The following PDE1A variants were observed in gnomAD, a reference collection of about 807,000 sequenced individuals.
PDE1A encodes dual specificity calcium/calmodulin-dependent 3',5'-cyclic nucleotide phosphodiesterase 1A.
PDE1A carries 35 observed loss-of-function variants against 61.7 expected under a neutral mutation model. That is an observed-to-expected ratio of 0.57 (90% CI 0.43 to 0.75). The LOEUF (loss-of-function observed/expected upper bound fraction) is 0.75, where lower values mean the gene tolerates loss of function less well. Among genes scored for constraint, PDE1A ranks in the 30% least tolerant of loss-of-function variants. The probability of loss-of-function intolerance (pLI) is 0.00; values close to 1 mark genes in which losing one functional copy is unlikely to be tolerated. For missense variants in PDE1A, 597 were observed against 630.6 expected (o/e 0.95, Z 0.57); for synonymous variants, 232 against 213.2 (o/e 1.09, Z -0.77).
chr2:182,462,020 G>C (rs532505548), intron 2 of PDE1A, among the ~76,000 whole-genome samples: 1 of 152,174 alleles, frequency 6.6e-6, no homozygotes, highest in South Asian at 2.1e-4. Context: ...ATTAAACCAA[G>C]GGGGCTCATT....
the PDE1A span, among the ~76,000 whole-genome samples, chr2:182,588,396 A>G: frequency 6.6e-6 from 1 of 152,164 alleles, no homozygotes; most frequent in Non-Finnish European, 1.5e-5. Context: ...TGTAGTTTTA[A>G]ATTTCCATAA....
intron 1 of PDE1A, among the ~76,000 whole-genome samples, chr2:182,323,770 C>T (rs753066643): frequency 2.0e-5 from 3 of 152,074 alleles, no homozygotes; most frequent in Non-Finnish European, 4.4e-5. Flanking sequence ...CTCACGAACT[C>T]TGAGGCACCC....
chr2:182,571,472 A>G, the PDE1A span, among the ~76,000 whole-genome samples: 1 of 152,078 alleles, frequency 6.6e-6, no homozygotes, highest in Non-Finnish European at 1.5e-5. Context: ...GTCTAAAGTG[A>G]GTATGGATCT....
intron 1 of PDE1A, among the ~76,000 whole-genome samples, chr2:182,410,936 A>T (rs1341457073): frequency 1.3e-5 from 2 of 152,216 alleles, no homozygotes; most frequent in East Asian, 3.8e-4. Context: ...GTAATTGGTT[A>T]ATTTGGGAAG....
rs534191548 is a variant in PDE1A at position 182,426,897 on chromosome 2, G to A, written c.-267C>T. Reference sequence around the variant, plus strand: ...ACCACCAAGAGTCACGTTGATCCAGGCAAGAGAAGTGCACGGGACCCTCCG... The same window carrying A: ...ACCACCAAGAGTCACGTTGATCCAGACAAGAGAAGTGCACGGGACCCTCCG... On this transcript the variant is annotated 5_prime_UTR_variant, in exon 1 of 14. Transcript: ENST00000351439. The A allele has an allele frequency of 3.4e-3, 4,212 of 1,249,110 alleles. 14 individuals are homozygous for A. Among genetic ancestry groups the A allele is most frequent in the South Asian group, 0.015 (638 of 42,412 alleles). The allele number at this position is 1,249,110 out of a possible 1,614,324, so 77.4% of individuals were successfully genotyped here.
chr2:182,385,988 T>A (rs1574513713), intron 1 of PDE1A, among the ~76,000 whole-genome samples: 1 of 152,154 alleles, frequency 6.6e-6, no homozygotes, highest in South Asian at 2.1e-4. Flanking sequence ...GCCTGCCGAG[T>A]GCCTGTGATT....
the PDE1A span, among the ~76,000 whole-genome samples, chr2:182,530,351 G>A: frequency 6.6e-6 from 1 of 152,000 alleles, no homozygotes; most frequent in Non-Finnish European, 1.5e-5. Context: ...AAAAGCAGGG[G>A]GGTGGGAAAA....
At chr2:182,486,630 T>C (rs1298893939) in intron 2 of PDE1A, among the ~76,000 whole-genome samples, 1 of 152,102 alleles carries the variant, frequency 6.6e-6, no homozygotes, top group African/African-American at 2.4e-5. Context: ...AGACCAGAAA[T>C]AAATCCTTAG....
chr2:182,436,221 A>G (rs1054044170), intron 2 of PDE1A, among the ~76,000 whole-genome samples: 1 of 152,030 alleles, frequency 6.6e-6, no homozygotes. Context: ...CTTTGCTTCT[A>G]TGGAATACTC....
At chr2:182,319,201 C>T (rs1284861756) in intron 1 of PDE1A, among the ~76,000 whole-genome samples, 1 of 152,092 alleles carries the variant, frequency 6.6e-6, no homozygotes, top group African/African-American at 2.4e-5. Flanking sequence ...AAATTCTTAG[C>T]AGAATTATAC....
chr2:182,413,027 GA>G (rs2125532750), intron 1 of PDE1A, among the ~76,000 whole-genome samples: 1 of 152,290 alleles, frequency 6.6e-6, no homozygotes, highest in East Asian at 1.9e-4. Flanking sequence ...TCAGACAAAA[GA>G]GAGAGAAGCA....
At chr2:182,464,290 ACC>A (rs1686507894) in intron 2 of PDE1A, among the ~76,000 whole-genome samples, 1 of 152,086 alleles carries the variant, frequency 6.6e-6, no homozygotes. Flanking sequence ...AGGCATAGGG[ACC>A]ACTGCAACAG....
chr2:182,155,468 G>C (rs957846748), intron 13 of PDE1A, among the ~76,000 whole-genome samples: 1 of 152,010 alleles, frequency 6.6e-6, no homozygotes, highest in Non-Finnish European at 1.5e-5. Flanking sequence ...TCTTCTATCT[G>C]ACTAAATATG....
intron 1 of PDE1A, among the ~76,000 whole-genome samples, chr2:182,382,521 G>C (rs1045466251): frequency 6.6e-6 from 1 of 152,132 alleles, no homozygotes; most frequent in Non-Finnish European, 1.5e-5. Context: ...CTAACACCTT[G>C]ATTTCATTCT....
chr2:182,164,195 G>T (rs80285469), downstream of PDE1A, among the ~76,000 whole-genome samples: 216 of 152,250 alleles, frequency 1.4e-3, 2 homozygotes, highest in African/African-American at 5.1e-3. Context: ...GCTGAAGCAG[G>T]TCCTGAAGGC....
At chr2:182,164,344 A>T (rs1025432241), downstream of PDE1A, among the ~76,000 whole-genome samples, 1 of 152,138 alleles carries the variant, frequency 6.6e-6, no homozygotes, top group African/African-American at 2.4e-5. Flanking sequence ...ACATGGTCCA[A>T]TGGTTTGGCT....
the PDE1A span, among the ~76,000 whole-genome samples, chr2:182,620,653 T>C: frequency 2.5e-4 from 38 of 152,340 alleles, no homozygotes; most frequent in African/African-American, 8.9e-4. Flanking sequence ...AAGATTTATG[T>C]TTTTCATGTT....
the PDE1A span, among the ~76,000 whole-genome samples, chr2:182,646,635 G>A: frequency 6.6e-6 from 1 of 151,394 alleles, no homozygotes; most frequent in Admixed American, 6.6e-5. Flanking sequence ...AGTGAGCCGA[G>A]ATCGCGCCAC....
chr2:182,360,131 C>A (rs1699415776), intron 1 of PDE1A, among the ~76,000 whole-genome samples: 1 of 152,242 alleles, frequency 6.6e-6, no homozygotes, highest in South Asian at 2.1e-4. Context: ...CAGACTTTGA[C>A]ACTGTTTTGG....
Sources: allele counts gnomAD v4.1 joint callset (sites outside exome capture counted in the v4.1 genomes callset), GRCh38; gene constraint gnomAD v4.1.1; transcripts MANE v1.5; gene names NCBI Gene and HGNC (gene_info 2026-07-23, HGNC 2026-07-21).